CD46: variants seen among roughly 807,000 people sequenced by gnomAD.
The protein encoded by CD46 is membrane cofactor protein.
In CD46, 30 loss-of-function variants were observed where a neutral mutation model predicts 53.3. That is an observed-to-expected ratio of 0.56 (90% CI 0.42 to 0.76). The LOEUF (loss-of-function observed/expected upper bound fraction) is 0.76, where lower values mean the gene tolerates loss of function less well. Among genes scored for constraint, CD46 ranks in the 30% least tolerant of loss-of-function variants. The probability of loss-of-function intolerance (pLI) is 0.00; values close to 1 mark genes in which losing one functional copy is unlikely to be tolerated. For synonymous variants in CD46, 142 were observed against 152.0 expected (o/e 0.93, Z 0.48); for missense variants, 409 against 463.0 (o/e 0.88, Z 1.07).
chr1:207,791,352 A>G (rs1463997129), intron 12 of CD46, among the ~76,000 whole-genome samples: 1 of 152,214 alleles, frequency 6.6e-6, no homozygotes, highest in Non-Finnish European at 1.5e-5. Context: ...ATAACTAATA[A>G]TATCAATTAT....
At chr1:207,781,847 C>A (rs746953592) in intron 8 of CD46, among the ~76,000 whole-genome samples, 8 of 151,926 alleles carry the variant, frequency 5.3e-5, no homozygotes, top group Non-Finnish European at 1.2e-4. Flanking sequence ...AAGTGTGAGC[C>A]TTCTCAACTT....
intron 7 of CD46, chr1:207,769,654 C>G (rs1309091466): frequency 6.6e-6 from 1 of 151,712 alleles, no homozygotes; most frequent in Non-Finnish European, 1.5e-5. Flanking sequence ...AATGTGTTAA[C>G]AAGAAGAAAA....
In CD46 at chr1:207,787,215, C is replaced by T. The variant is rs1475765774; in HGVS notation, c.1082+1533C>T. Among the ~76,000 whole-genome samples the T allele has an allele frequency of 5.9e-5, 9 of 152,146 alleles. No individual in the cohort carries two copies. In the East Asian group the frequency reaches 1.2e-3, roughly 20 times the overall value. On this transcript the variant is annotated intron_variant, in intron 11 of 12. Transcript: ENST00000367042. ...CCTCACGAGTAGCTGGGATTACAGTCGTGCACCACCACCACCGGCTAATTT... is the reference window on the plus strand; with the variant it reads ...CCTCACGAGTAGCTGGGATTACAGTTGTGCACCACCACCACCGGCTAATTT...
At chr1:207,764,267 G>A (rs2796270) in intron 5 of CD46, among the ~76,000 whole-genome samples, 71,768 of 152,040 alleles carry the variant, frequency 0.47, 18,279 homozygotes, top group East Asian at 0.83. Context: ...TGGAAACAGC[G>A]TGTGCTGCTG....
intron 8 of CD46, among the ~76,000 whole-genome samples, chr1:207,778,064 G>A (rs1558070101): frequency 6.6e-6 from 1 of 152,060 alleles, no homozygotes; most frequent in African/African-American, 2.4e-5. Flanking sequence ...TCTTCTGTAT[G>A]TTTTTTGGCC....
At chr1:207,753,172 T>C (rs997214855) in intron 1 of CD46, among the ~76,000 whole-genome samples, 4 of 152,152 alleles carry the variant, frequency 2.6e-5, no homozygotes, top group African/African-American at 4.8e-5. Context: ...TTGTTTTCCT[T>C]CTTTTCATTA....
chr1:207,767,019 A>G lies in CD46; in HGVS notation c.680A>G (p.Lys227Arg), dbSNP rs1206157371. Residue 227 changes from lysine (K) to arginine (R), a missense_variant, in exon 6 of 13, where the codon AAA (lysine) becomes AGA (arginine). Physicochemically the swap from Lys to Arg is conservative, Grantham distance 26 (BLOSUM62 2). Transcript: ENST00000367042. ...GGTTTCTCTAATTTTCCAGTGGTCA[A>G]ATGTCGATTTCCAGTAGTCGAAAAT... ...SRAAPECKVV[K>R]CRFPVVENGK... 3.1e-6 allele frequency: 5 copies of G among 1,613,336 alleles called. No homozygotes were observed. Among genetic ancestry groups the G allele is most frequent in the African/African-American group, 2.7e-5 (2 of 74,908 alleles).
intron 8 of CD46, among the ~76,000 whole-genome samples, chr1:207,779,803 C>T (rs1171962092): frequency 6.6e-6 from 1 of 151,620 alleles, no homozygotes; most frequent in Non-Finnish European, 1.5e-5. Context: ...TGTCTTCTCC[C>T]CAACTGATTT....
chr1:207,768,637 G>T (rs1392425379), intron 7 of CD46: 1 of 152,188 alleles, frequency 6.6e-6, no homozygotes, highest in Non-Finnish European at 1.5e-5. Context: ...GAAGACTTTT[G>T]CAGGGACTCC....
At chr1:207,765,581 A>G (rs1050489986) in intron 5 of CD46, among the ~76,000 whole-genome samples, 1 of 152,214 alleles carries the variant, frequency 6.6e-6, no homozygotes, top group Non-Finnish European at 1.5e-5. Context: ...TTGGAAAAGA[A>G]GAAATAAAAA....
chr1:207,793,184 AAAT>A (rs1659963634), intron 12 of CD46, among the ~76,000 whole-genome samples: 1 of 152,188 alleles, frequency 6.6e-6, no homozygotes, highest in Admixed American at 6.5e-5. Flanking sequence ...TACAGCTTTA[AAAT>A]GGAGGGATCA....
rs1660059239 is a variant in CD46, at chr1:207,794,269, C to A, written c.*792C>A. ...AACATCCCTAACTGATCGAATATAT[C>A]AGTAATTTCAGAATCAGATGCATCC... is the stretch of plus-strand genomic sequence containing the variant. On this transcript the variant is annotated 3_prime_UTR_variant, in exon 13 of 13. Coordinates refer to ENST00000367042, the MANE Select transcript of CD46 (RefSeq NM_172351.3). The A allele has an allele frequency of 6.6e-6, 1 of 152,350 alleles. No homozygotes were observed. Among genetic ancestry groups the A allele is most frequent in the Non-Finnish European group, 1.5e-5 (1 of 68,180 alleles). 9.4% of individuals were successfully genotyped at this position (152,350 alleles called of 1,614,324 possible).
chr1:207,781,107 G>A (rs1658692693), intron 8 of CD46, among the ~76,000 whole-genome samples: 1 of 150,128 alleles, frequency 6.7e-6, no homozygotes, highest in South Asian at 2.2e-4. Flanking sequence ...CATGAGTTTT[G>A]AAGGGGACAT....
At chr1:207,774,569 G>A (rs1291283800) in intron 8 of CD46, among the ~76,000 whole-genome samples, 1 of 152,172 alleles carries the variant, frequency 6.6e-6, no homozygotes, top group Non-Finnish European at 1.5e-5. Flanking sequence ...CTCTTGTAAG[G>A]CAGGCCTGGT....
At chr1:207,764,166 C>A (rs1656578323) in intron 5 of CD46, among the ~76,000 whole-genome samples, 1 of 152,150 alleles carries the variant, frequency 6.6e-6, no homozygotes, top group African/African-American at 2.4e-5. Flanking sequence ...GGGAGGCTTC[C>A]TGTCAGGTTC....
At chr1:207,784,530 G>T (rs1032415669) in intron 9 of CD46, among the ~76,000 whole-genome samples, 1 of 152,196 alleles carries the variant, frequency 6.6e-6, no homozygotes, top group Non-Finnish European at 1.5e-5. Flanking sequence ...CTGGAAACTG[G>T]TTAGAAGGGT....
At position 207,752,527 on chromosome 1, in the gene CD46, A is replaced by G. The variant is rs1655036785; in HGVS notation, c.97+218A>G. Among the ~76,000 whole-genome samples the G allele has an allele frequency of 6.6e-6, 1 of 152,194 alleles. No individual in the cohort carries two copies. The highest frequency in any genetic ancestry group is 6.5e-5 in the Admixed American group (1 of 15,284). On this transcript the variant is annotated intron_variant, in intron 1 of 12. Coordinates refer to ENST00000367042, the MANE Select transcript of CD46 (RefSeq NM_172351.3). The surrounding 1 kb of genome is among the most constrained non-coding windows in gnomAD (Gnocchi z 4.1). Reference sequence around the variant, plus strand: ...GTTTGGTGGCGTCGTGTGCGCGGCCAGCATTTACGCAGGATCTGGCTGCGT... The same window carrying G: ...GTTTGGTGGCGTCGTGTGCGCGGCCGGCATTTACGCAGGATCTGGCTGCGT...
intron 1 of CD46, among the ~76,000 whole-genome samples, chr1:207,756,356 G>T (rs149338052): frequency 6.6e-6 from 1 of 152,296 alleles, no homozygotes; most frequent in South Asian, 2.1e-4. Context: ...AGACTTTCAC[G>T]TTATTACCTG....
chr1:207,792,270 C>G (rs2102720233), intron 12 of CD46, among the ~76,000 whole-genome samples: 1 of 152,112 alleles, frequency 6.6e-6, no homozygotes, highest in Non-Finnish European at 1.5e-5. Flanking sequence ...CAGAGCAAGA[C>G]TCTGTCTCAA....
Sources: gnomAD v4.1 joint callset for allele counts (sites outside exome capture counted in the v4.1 genomes callset) on GRCh38, gnomAD v4.1.1 for gene constraint, Gnocchi (gnomAD v3.1) non-coding constraint, MANE v1.5 for transcripts, NCBI Gene and HGNC (gene_info 2026-07-23, HGNC 2026-07-21) for gene names.